The following KIF13A variants were observed in gnomAD, a reference collection of about 807,000 sequenced individuals.
KIF13A encodes kinesin family member 13A.
In KIF13A, 79 loss-of-function variants were observed where a neutral mutation model predicts 212.2. The ratio of observed to expected loss-of-function variants is 0.37; its 90% confidence interval spans 0.31 to 0.45. The LOEUF (loss-of-function observed/expected upper bound fraction) is 0.45, where lower values mean the gene tolerates loss of function less well. Ranked by LOEUF, KIF13A falls within the 20% of genes least tolerant of loss-of-function variation. KIF13A has a pLI of 1.00. For synonymous variants in KIF13A, 789 were observed against 808.6 expected (o/e 0.98, Z 0.41); for missense variants, 1,901 against 2,209.0 (o/e 0.86, Z 2.79).
Position 17,789,965 on chromosome 6 carries a change from C to G in KIF13A, c.3223-55G>C. 1 of 1,363,020 alleles carries G rather than the reference C, an allele frequency of 7.3e-7. No individual in the cohort carries two copies. The highest frequency in any genetic ancestry group is 2.3e-5 in the East Asian group (1 of 43,578). The allele number at this position is 1,363,020 out of a possible 1,614,324, so 84.4% of individuals were successfully genotyped here. On this transcript the variant is annotated intron_variant, in intron 25 of 38. Coordinates refer to ENST00000259711, the MANE Select transcript of KIF13A (RefSeq NM_022113.6). This position sits in a 1 kb window ranked among gnomAD's most constrained non-coding sequence, Gnocchi z 4.8. The stretch of plus-strand genomic sequence containing the variant: ...AGCATTTTGTTTTTCAAACCACATA[C>G]AGGGAAAATAATTATTTAAGCTTAA...
At position 17,971,705 on chromosome 6, in the gene KIF13A, G is replaced by A. The variant is rs551879095; in HGVS notation, c.146+15349C>T. On this transcript the variant is annotated intron_variant, in intron 2 of 38. Transcript: ENST00000259711. The surrounding 1 kb of genome is among the most constrained non-coding windows in gnomAD (Gnocchi z 4.2). ...CTCCCAAAGAATTGGGATTACAGGAGTGAGTCACCACGTCCGGCTTGCTCT... is the reference window on the plus strand; with the variant it reads ...CTCCCAAAGAATTGGGATTACAGGAATGAGTCACCACGTCCGGCTTGCTCT... Among the ~76,000 whole-genome samples the A allele has an allele frequency of 6.6e-6, 1 of 152,146 alleles. No homozygotes were observed. Among genetic ancestry groups the A allele is most frequent in the Non-Finnish European group, 1.5e-5 (1 of 68,030 alleles).
intron 2 of KIF13A, among the ~76,000 whole-genome samples, chr6:17,953,137 A>G (rs1481133864): frequency 1.3e-5 from 2 of 152,222 alleles, no homozygotes; most frequent in Non-Finnish European, 1.5e-5. Context: ...TCCATATAAT[A>G]TAATATAGCA....
In KIF13A at chr6:17,828,490, CAG is replaced by C. The variant is rs1765163094; in HGVS notation, c.1402-122_1402-121del. 1.3e-6 allele frequency: 1 copy of C among 741,910 alleles called. No individual in the cohort carries two copies. Among genetic ancestry groups the C allele is most frequent in the African/African-American group, 1.8e-5 (1 of 55,722 alleles). The allele number at this position is 741,910 out of a possible 1,614,324, so 46.0% of individuals were successfully genotyped here. On this transcript the variant is annotated intron_variant, in intron 13 of 38. Coordinates refer to ENST00000259711, the MANE Select transcript of KIF13A (RefSeq NM_022113.6). This position sits in a 1 kb window ranked among gnomAD's most constrained non-coding sequence, Gnocchi z 4.3. ...CACAAAAATATTAAACGAATCCTGC[CAG>C]AGATGTTAAATATCTTAAGCATTAA... is the stretch of plus-strand genomic sequence containing the variant.
At position 17,987,232 on chromosome 6, in the gene KIF13A, T is replaced by A. The variant is rs1266914590; in HGVS notation, c.56-88A>T. On this transcript the variant is annotated intron_variant, in intron 1 of 38. Transcript: ENST00000259711. The surrounding 1 kb of genome is among the most constrained non-coding windows in gnomAD (Gnocchi z 7.7). ...GCCAGCCGCGCCGAGCGGGGCTCCG[T>A]CCCTGGAGGCGGCCGAGCCTGGAGA... 4 of 1,168,926 alleles carry A rather than the reference T, an allele frequency of 3.4e-6. No homozygotes were observed. In the Admixed American group the frequency reaches 9.6e-5, roughly 28 times the overall value. The allele number at this position is 1,168,926 out of a possible 1,614,324, so 72.4% of individuals were successfully genotyped here.
chr6:17,947,778 T>C lies in KIF13A; in HGVS notation c.146+39276A>G, dbSNP rs1020637361. Among the ~76,000 whole-genome samples the C allele has an allele frequency of 5.0e-4, 76 of 151,840 alleles. 1 individual carries two copies. Among genetic ancestry groups the C allele is most frequent in the Non-Finnish European group, 2.6e-4 (18 of 67,962 alleles). The stretch of plus-strand genomic sequence containing the variant: ...ATCACTTGAACCTAAGAAGTGGAGG[T>C]TGCAGTGAGCCGAGATTGCGCCATT... On this transcript the variant is annotated intron_variant, in intron 2 of 38. Coordinates refer to ENST00000259711, the MANE Select transcript of KIF13A (RefSeq NM_022113.6). This position sits in a 1 kb window ranked among gnomAD's most constrained non-coding sequence, Gnocchi z 4.6.
Position 17,771,040 on chromosome 6 carries a change from A to G in KIF13A, c.4581+74T>C, listed in dbSNP as rs1322579769. On this transcript the variant is annotated intron_variant, in intron 38 of 38. Transcript: ENST00000259711. This position sits in a 1 kb window ranked among gnomAD's most constrained non-coding sequence, Gnocchi z 5.4. Reference sequence around the variant, plus strand: ...AATACATGTCTTAATTTCTTCTAGCATTTGGATGATTGTCTGTGAAAGGGC... The same window carrying G: ...AATACATGTCTTAATTTCTTCTAGCGTTTGGATGATTGTCTGTGAAAGGGC... 16 of 936,162 alleles carry G rather than the reference A, an allele frequency of 1.7e-5. No homozygotes were observed. Among genetic ancestry groups the G allele is most frequent in the Non-Finnish European group, 5.1e-6 (3 of 592,424 alleles). The allele number at this position is 936,162 out of a possible 1,614,324, so 58.0% of individuals were successfully genotyped here.
chr6:17,781,121 C>G (rs996028484), intron 30 of KIF13A, 56 bp downstream of exon 30: 3 of 1,605,954 alleles, frequency 1.9e-6, no homozygotes, highest in Non-Finnish European at 2.6e-6. Flanking sequence ...TGAGCAGGCC[C>G]ACAAGCCTTG....
At position 17,891,440 on chromosome 6, in the gene KIF13A, T is replaced by TTCA. The variant is rs1166469543; in HGVS notation, c.159+6725_159+6727dup. ...TTTAAAACTCAGCTGGAAGAATATCTTCATCTTCTCCTTGCCCTAACACAA... is the reference window on the plus strand; with the variant it reads ...TTTAAAACTCAGCTGGAAGAATATCTTCATCATCTTCTCCTTGCCCTAACACAA... On this transcript the variant is annotated intron_variant, in intron 3 of 38. Transcript: ENST00000259711. 2.0e-5 allele frequency among the ~76,000 whole-genome samples: 3 copies of TTCA among 152,338 alleles called. No individual in the cohort carries two copies. In the East Asian group the frequency reaches 5.8e-4, roughly 29 times the overall value.
intron 9 of KIF13A, among the ~76,000 whole-genome samples, chr6:17,846,226 G>A (rs1767036823): frequency 6.6e-6 from 1 of 151,656 alleles, no homozygotes; most frequent in African/African-American, 2.4e-5. Context: ...AAAATGCTGG[G>A]ACTACAGGGG....
intron 26 of KIF13A, among the ~76,000 whole-genome samples, chr6:17,788,516 G>A (rs1045846932): frequency 1.3e-5 from 2 of 152,146 alleles, no homozygotes; most frequent in South Asian, 2.1e-4. Context: ...ACAAACAGCC[G>A]CAGGACGTTA....
Position 17,768,161 on chromosome 6 carries a change from A to AT in KIF13A, c.4581+2952dup, listed in dbSNP as rs757935390. The stretch of plus-strand genomic sequence containing the variant: ...ATATTTTTGAGGGAGTTTGGTTTAG[A>AT]TTTTTTATACCAGAAATCTCATTTC... On this transcript the variant is annotated intron_variant, in intron 38 of 38. Coordinates refer to ENST00000259711, the MANE Select transcript of KIF13A (RefSeq NM_022113.6). This position sits in a 1 kb window ranked among gnomAD's most constrained non-coding sequence, Gnocchi z 5.4. Among the ~76,000 whole-genome samples the AT allele has an allele frequency of 2.0e-5, 3 of 152,158 alleles. No homozygotes were observed. Among genetic ancestry groups the AT allele is most frequent in the Non-Finnish European group, 2.9e-5 (2 of 68,024 alleles).
intron 17 of KIF13A, among the ~76,000 whole-genome samples, chr6:17,814,054 G>A (rs796869123): frequency 4.3e-4 from 61 of 143,296 alleles, no homozygotes; most frequent in African/African-American, 1.4e-3. Context: ...CCAGGTTCAC[G>A]CCATTCTCCT....
chr6:17,922,023 C>T (rs1400113832), intron 2 of KIF13A, among the ~76,000 whole-genome samples: 1 of 152,140 alleles, frequency 6.6e-6, no homozygotes. Flanking sequence ...TAATTAACAA[C>T]ACTGGAAGCA....
chr6:17,763,325 C>T (rs900915405), downstream of KIF13A, among the ~76,000 whole-genome samples: 14 of 151,864 alleles, frequency 9.2e-5, no homozygotes, highest in African/African-American at 2.9e-4. Flanking sequence ...AAAAAATTAG[C>T]CAGATGTGCT....
chr6:17,954,290 C>T (rs146460093), intron 2 of KIF13A, among the ~76,000 whole-genome samples: 2,179 of 132,390 alleles, frequency 0.016, 59 homozygotes, highest in African/African-American at 0.057. Context: ...GGCAACAGAG[C>T]GAGACTCCAT....
At position 17,763,758 on chromosome 6, in the gene KIF13A, T is replaced by C. The variant is rs1254537435; in HGVS notation, c.*352A>G. 1.6e-5 allele frequency: 14 copies of C among 854,734 alleles called. No individual in the cohort carries two copies. Among genetic ancestry groups the C allele is most frequent in the Non-Finnish European group, 1.9e-5 (13 of 686,378 alleles). 52.9% of individuals were successfully genotyped at this position (854,734 alleles called of 1,614,324 possible). On this transcript the variant is annotated 3_prime_UTR_variant, in exon 39 of 39. Coordinates refer to ENST00000259711, the MANE Select transcript of KIF13A (RefSeq NM_022113.6). ...ATGATACATAAAATAATGGTTCATA[T>C]AATAATCAAAGGAATCACAGATTTG...
intron 4 of KIF13A, among the ~76,000 whole-genome samples, chr6:17,863,202 A>C (rs559264245): frequency 2.0e-5 from 3 of 152,288 alleles, no homozygotes; most frequent in African/African-American, 7.2e-5. Flanking sequence ...CATTTAAAAA[A>C]TATTACCGAC....
At chr6:17,870,110 G>A (rs889074650) in intron 4 of KIF13A, among the ~76,000 whole-genome samples, 1 of 152,170 alleles carries the variant, frequency 6.6e-6, no homozygotes, top group Non-Finnish European at 1.5e-5. Context: ...ATGTAAACTT[G>A]AGAGAATAGT....
At chr6:17,901,521 A>G (rs1773059267) in intron 2 of KIF13A, among the ~76,000 whole-genome samples, 1 of 152,240 alleles carries the variant, frequency 6.6e-6, no homozygotes, top group African/African-American at 2.4e-5. Flanking sequence ...CCAACTGAGC[A>G]TTAGTTATAT....
Sources: gnomAD v4.1 joint callset for allele counts (sites outside exome capture counted in the v4.1 genomes callset) on GRCh38, gnomAD v4.1.1 for gene constraint, Gnocchi (gnomAD v3.1) non-coding constraint, MANE v1.5 for transcripts, NCBI Gene and HGNC (gene_info 2026-07-23, HGNC 2026-07-21) for gene names.